The following DNAH14 variants were observed in gnomAD, a reference collection of about 807,000 sequenced individuals.
DNAH14 encodes the protein dynein axonemal heavy chain 14, also known as axonemal beta dynein heavy chain 14.
DNAH14 carries 478 observed loss-of-function variants against 520.9 expected under a neutral mutation model. That is an observed-to-expected ratio of 0.92 (90% CI 0.85 to 0.99). The LOEUF is 0.99. Ranked by LOEUF, DNAH14 falls within the 50% of genes least tolerant of loss-of-function variation. DNAH14 has a pLI of 0.00. For missense variants in DNAH14, 4,831 were observed against 5,234.5 expected, an observed-to-expected ratio of 0.92 and a Z score of 2.38; for synonymous variants, 1,581 against 1,757.2, an observed-to-expected ratio of 0.90 and a Z score of 2.51.
intron 8 of DNAH14, among the ~76,000 whole-genome samples, chr1:224,990,233 T>G (rs2062943895): frequency 6.6e-6 from 1 of 152,206 alleles, no homozygotes; most frequent in Non-Finnish European, 1.5e-5. Context: ...TACACAATGA[T>G]GTTAAAGTTT....
chr1:224,979,098 A>C (rs2062070559), intron 8 of DNAH14, among the ~76,000 whole-genome samples: 1 of 152,164 alleles, frequency 6.6e-6, no homozygotes, highest in African/African-American at 2.4e-5. Context: ...GCAGAATAGA[A>C]TCCTTCACTG....
chr1:225,217,538 G>A (rs1014949725), intron 41 of DNAH14, among the ~76,000 whole-genome samples: 6 of 152,130 alleles, frequency 3.9e-5, no homozygotes, highest in East Asian at 1.9e-4. Context: ...CTTGAGCTGC[G>A]GTGGGCTCCA....
chr1:225,380,390 G>T, intron 80 of DNAH14, 68 bp downstream of exon 80: 1 of 1,460,748 alleles, frequency 6.8e-7, no homozygotes, highest in South Asian at 1.4e-5. Flanking sequence ...GGTGTCAGGA[G>T]TAAGGTAAAG....
Position 225,304,590 on chromosome 1 carries a change from A to G in DNAH14, c.8824-318A>G, listed in dbSNP as rs1452075884. ...AAATAAATAAAAAATTTAAAGATAA[A>G]GAAAACATTATAACCCTTGGCCATT... On this transcript the variant is annotated intron_variant, in intron 57 of 85. Transcript: ENST00000682510. 2.6e-5 allele frequency among the ~76,000 whole-genome samples: 4 copies of G among 152,152 alleles called. No homozygotes were observed. The East Asian group carries it at 7.7e-4, about 29-fold the overall frequency.
At chr1:225,229,109 A>G (rs2090843828) in intron 41 of DNAH14, among the ~76,000 whole-genome samples, 3 of 152,186 alleles carry the variant, frequency 2.0e-5, no homozygotes, top group Admixed American at 6.5e-5. Flanking sequence ...CTAAATAAAT[A>G]TGAGTGTAGC....
intron 81 of DNAH14, among the ~76,000 whole-genome samples, chr1:225,386,161 A>G (rs2095839374): frequency 6.6e-6 from 1 of 152,232 alleles, no homozygotes; most frequent in Non-Finnish European, 1.5e-5. Flanking sequence ...TGGTGCTGGG[A>G]AAACTGGCTA....
chr1:225,134,320 G>A (rs1349013524), intron 27 of DNAH14, among the ~76,000 whole-genome samples: 8 of 152,170 alleles, frequency 5.3e-5, no homozygotes, highest in African/African-American at 1.9e-4. Context: ...CAAAGGGAAT[G>A]CTTCCAGCTT....
At chr1:225,386,961 A>G (rs2095848265) in intron 81 of DNAH14, among the ~76,000 whole-genome samples, 1 of 152,236 alleles carries the variant, frequency 6.6e-6, no homozygotes, top group Non-Finnish European at 1.5e-5. Context: ...GGCACTATTC[A>G]CAATAGCAAA....
At chr1:224,992,753 G>A (rs2063144444) in intron 8 of DNAH14, among the ~76,000 whole-genome samples, 1 of 152,014 alleles carries the variant, frequency 6.6e-6, no homozygotes, top group Admixed American at 6.6e-5. Context: ...GAATAGAAGT[G>A]GTGAGAGTGG....
chr1:225,398,237 A>G (rs527735416), intron 84 of DNAH14, among the ~76,000 whole-genome samples: 1 of 152,230 alleles, frequency 6.6e-6, no homozygotes, highest in African/African-American at 2.4e-5. Context: ...AGAAATTTGC[A>G]TATTTATTGT....
intron 9 of DNAH14, among the ~76,000 whole-genome samples, chr1:225,005,140 C>T (rs1326489377): frequency 6.6e-6 from 1 of 152,100 alleles, no homozygotes; most frequent in Admixed American, 6.5e-5. Context: ...GAGATTGCCA[C>T]TTATCCAAGT....
intron 1 of DNAH14, among the ~76,000 whole-genome samples, chr1:224,935,185 A>G (rs1365417740): frequency 6.6e-6 from 1 of 151,888 alleles, no homozygotes; most frequent in African/African-American, 2.4e-5. Flanking sequence ...AGGAACAAAG[A>G]ATATATAAAA....
chr1:225,279,586 T>C (rs911980263), intron 54 of DNAH14, among the ~76,000 whole-genome samples: 4 of 152,142 alleles, frequency 2.6e-5, no homozygotes, highest in African/African-American at 9.7e-5. Context: ...TACATGAATT[T>C]TAAAAGTAAA....
At chr1:225,171,353 CA>C (rs1351169018) in intron 36 of DNAH14, among the ~76,000 whole-genome samples, 1 of 151,834 alleles carries the variant, frequency 6.6e-6, no homozygotes, top group Non-Finnish European at 1.5e-5. Context: ...AAAAGATCAA[CA>C]AAATTGATAG....
intron 8 of DNAH14, among the ~76,000 whole-genome samples, chr1:224,995,716 TTTTTTTATTC>T (rs1288830510): frequency 3.3e-5 from 5 of 151,928 alleles, no homozygotes; most frequent in Non-Finnish European, 7.4e-5. Flanking sequence ...TCATGTAGGC[TTTTTTTATTC>T]TTTTTTATTC....
chr1:225,336,440 C>T (rs1022993226), intron 66 of DNAH14, among the ~76,000 whole-genome samples: 1 of 151,792 alleles, frequency 6.6e-6, no homozygotes, highest in African/African-American at 2.4e-5. Flanking sequence ...TAAATTTGTA[C>T]CTAATAACAT....
chr1:224,998,645 G>A (rs1017717694), intron 8 of DNAH14, among the ~76,000 whole-genome samples: 1 of 146,686 alleles, frequency 6.8e-6, no homozygotes, highest in African/African-American at 2.7e-5. Context: ...AAAATGTGTT[G>A]AGTTGTTGTT....
intron 41 of DNAH14, among the ~76,000 whole-genome samples, chr1:225,223,278 G>A (rs748675291): frequency 2.0e-5 from 3 of 152,072 alleles, no homozygotes; most frequent in East Asian, 1.9e-4. Flanking sequence ...ATAAGAAAAA[G>A]CATTAAAGAA....
chr1:225,387,153 CG>C (rs1324667404), intron 81 of DNAH14, among the ~76,000 whole-genome samples: 1 of 151,290 alleles, frequency 6.6e-6, no homozygotes, highest in Non-Finnish European at 1.5e-5. Flanking sequence ...AACCAAACAC[CG>C]CATATTCTCA....
Sources: gnomAD v4.1 joint callset for allele counts (sites outside exome capture counted in the v4.1 genomes callset) on GRCh38, gnomAD v4.1.1 for gene constraint, MANE v1.5 for transcripts, NCBI Gene and HGNC (gene_info 2026-07-23, HGNC 2026-07-21) for gene names.